Variants in KLHL1 observed in about 807,000 individuals in gnomAD.
KLHL1 encodes the protein kelch like family member 1.
Under a neutral mutation model 77.7 loss-of-function variants are expected in KLHL1, and 47 were observed. The ratio of observed to expected loss-of-function variants is 0.60; its 90% CI spans 0.48 to 0.77. The LOEUF (loss-of-function observed/expected upper bound fraction) is 0.77. Ranked by LOEUF, KLHL1 falls within the 30% of genes least tolerant of loss-of-function variation. The pLI, the probability that KLHL1 is intolerant of heterozygous loss-of-function variation, is 0.00. For missense variants in KLHL1, 925 were observed against 910.8 expected, an observed-to-expected ratio of 1.02 and a Z score of -0.20; for synonymous variants, 360 against 325.2, an observed-to-expected ratio of 1.11 and a Z score of -1.15.
At chr13:69,736,683 T>G (rs576173782) in intron 8 of KLHL1, among the ~76,000 whole-genome samples, 10 of 147,264 alleles carry the variant, frequency 6.8e-5, no homozygotes, top group African/African-American at 2.4e-4. Context: ...TTGTGAGATA[T>G]ATATATGTAT....
chr13:70,107,431 T>C lies in KLHL1; in HGVS notation c.269A>G (p.Asn90Ser). ...TGGAAGCAGGGTGCCATTCAGCGGA[T>C]TGAAGGAAGAGGAGGAAGAGGACGG... The part of the protein sequence containing the change: ...SSPSSSSSSF[N>S]PLNGTLLPVA... Residue 90 changes from asparagine to serine, a missense_variant, in exon 1 of 11, where the codon AAT (asparagine) becomes AGT (serine). Transcript: ENST00000377844. 3 of 1,611,144 alleles carry C rather than the reference T, an allele frequency of 1.9e-6. No homozygotes were observed. The highest frequency in any genetic ancestry group is 1.7e-4 in the Middle Eastern group (1 of 6,058).
chr13:69,774,406 A>T (rs912907129), intron 7 of KLHL1, among the ~76,000 whole-genome samples: 1 of 152,042 alleles, frequency 6.6e-6, no homozygotes, highest in Non-Finnish European at 1.5e-5. Flanking sequence ...AACAATATTA[A>T]TCTTCCTATG....
intron 6 of KLHL1, among the ~76,000 whole-genome samples, chr13:69,833,539 A>T (rs1878851605): frequency 6.6e-6 from 1 of 151,932 alleles, no homozygotes; most frequent in African/African-American, 2.4e-5. Context: ...CTATATAAAA[A>T]ACAGTATGGA....
chr13:70,066,584 C>A (rs577941972), intron 1 of KLHL1, among the ~76,000 whole-genome samples: 3 of 152,196 alleles, frequency 2.0e-5, no homozygotes, highest in Non-Finnish European at 2.9e-5. Context: ...GCCATGGATT[C>A]ATAGTCCTTC....
intron 1 of KLHL1, among the ~76,000 whole-genome samples, chr13:70,102,021 G>A (rs1418055130): frequency 6.6e-6 from 1 of 151,558 alleles, no homozygotes; most frequent in Non-Finnish European, 1.5e-5. Context: ...AAAATTTGGG[G>A]TGGTAAAGAA....
At chr13:69,783,178 A>G (rs1368412889) in intron 7 of KLHL1, among the ~76,000 whole-genome samples, 1 of 152,120 alleles carries the variant, frequency 6.6e-6, no homozygotes. Flanking sequence ...CCTTCTGTAC[A>G]TCACCATTAT....
chr13:70,084,622 C>CTTCTTT, intron 1 of KLHL1, among the ~76,000 whole-genome samples: 1 of 14,954 alleles, frequency 6.7e-5, no homozygotes, highest in Admixed American at 1.4e-3. Flanking sequence ...CCACGCCAGG[C>CTTCTTT]TTTTTTTTTT....
chr13:69,799,474 T>C (rs946048941), intron 6 of KLHL1, among the ~76,000 whole-genome samples: 6 of 152,222 alleles, frequency 3.9e-5, no homozygotes, highest in Non-Finnish European at 5.9e-5. Flanking sequence ...ATTTTTAACC[T>C]TTACAGTTTT....
rs76142805 is a variant in KLHL1, at chr13:70,028,699, G to A, written c.498-52897C>T. Among the ~76,000 whole-genome samples the A allele has an allele frequency of 7.3e-3, 1,104 of 152,168 alleles. 14 individuals are homozygous for A. Among genetic ancestry groups the A allele is most frequent in the South Asian group, 0.02 (95 of 4,822 alleles). On this transcript the variant is annotated intron_variant, in intron 1 of 10. Coordinates refer to ENST00000377844, the MANE Select transcript of KLHL1 (RefSeq NM_020866.3). ...TATAATCAAGGAATATTCATAGGCC[G>A]GGCATGGTAGTTTATGCCTGTAATC... is the stretch of plus-strand genomic sequence containing the variant.
rs369888306 is a variant in KLHL1 at position 69,898,881 on chromosome 13, T to C, written c.1015-16386A>G. Among the ~76,000 whole-genome samples the C allele has an allele frequency of 4.6e-5, 7 of 152,290 alleles. No homozygotes were observed. The East Asian group carries it at 1.2e-3, about 25-fold the overall frequency. On this transcript the variant is annotated intron_variant, in intron 4 of 10. Transcript: ENST00000377844. Reference sequence around the variant, plus strand: ...GTGAACGAGGCCTGGAGACTCACCATTGATTATAAGTGGTCCAATGCTGTA... The same window carrying C: ...GTGAACGAGGCCTGGAGACTCACCACTGATTATAAGTGGTCCAATGCTGTA...
chr13:69,742,871 A>G (rs1414746424), intron 7 of KLHL1, among the ~76,000 whole-genome samples: 2 of 152,196 alleles, frequency 1.3e-5, no homozygotes, highest in African/African-American at 4.8e-5. Context: ...ATTAGAAAGG[A>G]TAAGTAAATG....
At chr13:69,740,363 A>T in intron 8 of KLHL1, 31 bp downstream of exon 8, 1 of 1,469,620 alleles carries the variant, frequency 6.8e-7, no homozygotes, top group Non-Finnish European at 9.2e-7. Flanking sequence ...TTTTTTTCTA[A>T]GATTAAAAAA....
Position 70,064,445 on chromosome 13 carries a change from C to A in KLHL1, c.497+42758G>T, listed in dbSNP as rs570498648. Among the ~76,000 whole-genome samples the A allele has an allele frequency of 2.6e-5, 4 of 152,208 alleles. No homozygotes were observed. In the South Asian group the frequency reaches 8.3e-4, roughly 32 times the overall value. On this transcript the variant is annotated intron_variant, in intron 1 of 10. Coordinates refer to ENST00000377844, the MANE Select transcript of KLHL1 (RefSeq NM_020866.3). The stretch of plus-strand genomic sequence containing the variant: ...TTCAGAAGTGAATATTAAATAAATA[C>A]AAATTCTGTAGTGTGTTTTATGTTA...
At chr13:69,717,286 T>C (rs1010450823) in intron 9 of KLHL1, among the ~76,000 whole-genome samples, 7 of 152,132 alleles carry the variant, frequency 4.6e-5, no homozygotes, top group African/African-American at 1.7e-4. Flanking sequence ...TTTTACAGTC[T>C]ATGTGCAAAG....
intron 5 of KLHL1, among the ~76,000 whole-genome samples, chr13:69,846,980 A>G (rs1009126925): frequency 1.3e-5 from 2 of 151,560 alleles, no homozygotes; most frequent in Non-Finnish European, 3.0e-5. Flanking sequence ...CAAACAAAAA[A>G]TAGAATCAAT....
chr13:69,802,589 A>G (rs1421711341), intron 6 of KLHL1, among the ~76,000 whole-genome samples: 2 of 152,148 alleles, frequency 1.3e-5, no homozygotes, highest in Non-Finnish European at 2.9e-5. Flanking sequence ...CAGTTATGTT[A>G]TCTATAGAAT....
At chr13:69,730,829 C>T (rs962857350) in intron 8 of KLHL1, among the ~76,000 whole-genome samples, 1 of 152,114 alleles carries the variant, frequency 6.6e-6, no homozygotes, top group African/African-American at 2.4e-5. Flanking sequence ...ATCCTCTCAC[C>T]TCGGCCTCCC....
At chr13:69,979,685 T>G (rs1211451608) in intron 1 of KLHL1, among the ~76,000 whole-genome samples, 2 of 152,190 alleles carry the variant, frequency 1.3e-5, no homozygotes, top group Non-Finnish European at 2.9e-5. Flanking sequence ...TCTGAAACTC[T>G]TAACATTTGT....
At chr13:69,758,307 T>C (rs1323080597) in intron 7 of KLHL1, among the ~76,000 whole-genome samples, 1 of 152,134 alleles carries the variant, frequency 6.6e-6, no homozygotes, top group African/African-American at 2.4e-5. Flanking sequence ...ATAAACCAAT[T>C]CATTTAATCC....
Sources: allele counts gnomAD v4.1 joint callset (sites outside exome capture counted in the v4.1 genomes callset), GRCh38; gene constraint gnomAD v4.1.1; transcripts MANE v1.5; gene names NCBI Gene and HGNC (gene_info 2026-07-23, HGNC 2026-07-21).